Variants in PPP2R2C observed in about 807,000 individuals in gnomAD.
PPP2R2C encodes the protein protein phosphatase 2, regulatory subunit B, gamma.
In PPP2R2C, 10 loss-of-function variants were observed where a neutral mutation model predicts 45.3. That is an observed-to-expected ratio of 0.22 (90% confidence interval 0.14 to 0.37). The LOEUF is 0.37. PPP2R2C is among the 10% of genes least tolerant of loss of function. The pLI, the probability that PPP2R2C is intolerant of heterozygous loss-of-function variation, is 1.00. For missense variants in PPP2R2C, 308 were observed against 619.7 expected, an observed-to-expected ratio of 0.50 and a Z score of 5.34; for synonymous variants, 257 against 245.4, an observed-to-expected ratio of 1.05 and a Z score of -0.44.
At chr4:6,420,926 C>A (rs1399862407) in intron 1 of PPP2R2C, 2 of 984,808 alleles carry the variant, frequency 2.0e-6, no homozygotes, top group African/African-American at 3.5e-5. Context: ...GCTTACCAAG[C>A]CTCCTCCTAC....
At chr4:6,459,009 A>G (rs1469178656) in intron 1 of PPP2R2C, among the ~76,000 whole-genome samples, 1 of 152,220 alleles carries the variant, frequency 6.6e-6, no homozygotes, top group East Asian at 1.9e-4. Context: ...AAGGAGGAGG[A>G]CCAGGAATTC....
chr4:6,562,646 A>G (rs942058620), intron 1 of PPP2R2C, among the ~76,000 whole-genome samples: 6 of 151,780 alleles, frequency 4.0e-5, no homozygotes, highest in Non-Finnish European at 7.4e-5. Context: ...CCTCACCAGT[A>G]CCCCCCATAG....
At chr4:6,326,976 G>T (rs889564052) in intron 8 of PPP2R2C, among the ~76,000 whole-genome samples, 1 of 152,214 alleles carries the variant, frequency 6.6e-6, no homozygotes, top group African/African-American at 2.4e-5. Context: ...AACCTGGGGG[G>T]AATCCTTGCT....
chr4:6,485,754 T>G (rs1722508886), intron 2 of PPP2R2C, among the ~76,000 whole-genome samples: 1 of 151,978 alleles, frequency 6.6e-6, no homozygotes, highest in Non-Finnish European at 1.5e-5. Context: ...TTATCTTCTC[T>G]CTTATTGTCC....
At chr4:6,416,261 C>A (rs969483102) in intron 1 of PPP2R2C, among the ~76,000 whole-genome samples, 10 of 128,912 alleles carry the variant, frequency 7.8e-5, no homozygotes, top group Non-Finnish European at 1.7e-4. Flanking sequence ...CAACCGCCCC[C>A]ACGATGTGTG....
At chr4:6,501,294 C>A (rs566993615) in intron 2 of PPP2R2C, among the ~76,000 whole-genome samples, 1 of 152,204 alleles carries the variant, frequency 6.6e-6, no homozygotes, top group South Asian at 2.1e-4. Context: ...GATAGTGGGA[C>A]CTGATGGGCT....
At chr4:6,385,038 CGAG>C (rs1030923274) in intron 1 of PPP2R2C, among the ~76,000 whole-genome samples, 9 of 152,116 alleles carry the variant, frequency 5.9e-5, no homozygotes, top group African/African-American at 2.2e-4. Context: ...GAAGAGAAGA[CGAG>C]GACTCCAGGA....
chr4:6,450,674 G>T (rs943902264), intron 1 of PPP2R2C, among the ~76,000 whole-genome samples: 22 of 152,194 alleles, frequency 1.4e-4, no homozygotes, highest in African/African-American at 5.1e-4. Context: ...AGGCCTGAGC[G>T]AGGGATAGAT....
At chr4:6,397,468 C>T (rs1043065000) in intron 1 of PPP2R2C, among the ~76,000 whole-genome samples, 5 of 152,298 alleles carry the variant, frequency 3.3e-5, no homozygotes, top group Non-Finnish European at 4.4e-5. Flanking sequence ...CAGAGGCGGC[C>T]CTGGGGGTCC....
intron 1 of PPP2R2C, among the ~76,000 whole-genome samples, chr4:6,453,400 C>G (rs1720844202): frequency 6.6e-6 from 1 of 152,138 alleles, no homozygotes; most frequent in South Asian, 2.1e-4. Context: ...AACCCCCAGC[C>G]CCAGCCACCC....
chr4:6,396,783 G>C (rs1185361768), intron 1 of PPP2R2C, among the ~76,000 whole-genome samples: 3 of 152,254 alleles, frequency 2.0e-5, no homozygotes, highest in African/African-American at 4.8e-5. Context: ...GGGCTGGGAG[G>C]GGGTAGAGAG....
chr4:6,543,317 C>T (rs889646274), intron 1 of PPP2R2C, among the ~76,000 whole-genome samples: 2 of 152,138 alleles, frequency 1.3e-5, no homozygotes, highest in Non-Finnish European at 2.9e-5. Context: ...ACGTCCTAAT[C>T]GACACCCCAC....
intron 1 of PPP2R2C, among the ~76,000 whole-genome samples, chr4:6,394,860 TCAG>T (rs1266831072): frequency 6.6e-6 from 1 of 152,184 alleles, no homozygotes; most frequent in African/African-American, 2.4e-5. Context: ...TCCCATCACA[TCAG>T]CGTGTCCATC....
At position 6,496,568 on chromosome 4, in the gene PPP2R2C, A is replaced by T. The variant is rs186836305; in HGVS notation, c.49+38703T>A. ...TTCCCTAGGCACCTTCTGTGCGTTA[A>T]AGTCTGTGATAGGCTGGACACAGTG... On this transcript the variant is annotated intron_variant, in intron 2 of 9. Transcript: ENST00000506140. Among the ~76,000 whole-genome samples, 24 of 152,274 alleles carry T rather than the reference A, an allele frequency of 1.6e-4. No homozygotes were observed. The East Asian group carries it at 4.6e-3, about 29-fold the overall frequency.
intron 2 of PPP2R2C, among the ~76,000 whole-genome samples, chr4:6,503,929 G>A (rs1723137992): frequency 6.6e-6 from 1 of 152,172 alleles, no homozygotes; most frequent in African/African-American, 2.4e-5. Context: ...AACCACCTAA[G>A]GCACCTAAGG....
intron 2 of PPP2R2C, among the ~76,000 whole-genome samples, chr4:6,508,604 A>AAAAAGC (rs1384936327): frequency 7.9e-5 from 12 of 151,444 alleles, no homozygotes; most frequent in African/African-American, 2.7e-4. Flanking sequence ...AAAGAAAAAG[A>AAAAAGC]AAAAGAAAAA....
intron 2 of PPP2R2C, among the ~76,000 whole-genome samples, chr4:6,502,416 G>A (rs1288783597): frequency 2.6e-5 from 4 of 152,124 alleles, no homozygotes; most frequent in African/African-American, 9.7e-5. Context: ...GAAGGATGGT[G>A]ACTGTGGTGT....
intron 2 of PPP2R2C, among the ~76,000 whole-genome samples, chr4:6,494,802 C>T (rs917415602): frequency 2.0e-5 from 3 of 152,174 alleles, no homozygotes; most frequent in Non-Finnish European, 2.9e-5. Flanking sequence ...CTGGGGCCAA[C>T]GCTCATGCAA....
chr4:6,332,353 A>C lies in PPP2R2C; in HGVS notation c.960+1209T>G, dbSNP rs938823644. Among the ~76,000 whole-genome samples, 30 of 152,090 alleles carry C rather than the reference A, an allele frequency of 2.0e-4. No individual in the cohort carries two copies. Among genetic ancestry groups the C allele is most frequent in the African/African-American group, 7.0e-4 (29 of 41,416 alleles). On this transcript the variant is annotated intron_variant, in intron 7 of 8. Transcript: ENST00000382599. This position sits in a 1 kb window ranked among gnomAD's most constrained non-coding sequence, Gnocchi z 4.9. ...GGGCTGAGTCCTGCCTGGGGTGTGC[A>C]GTGTGAGGAGGGGGCCTGAGGGAGG...
Sources: allele counts gnomAD v4.1 joint callset (sites outside exome capture counted in the v4.1 genomes callset), GRCh38; gene constraint gnomAD v4.1.1; non-coding constraint Gnocchi (gnomAD v3.1); transcripts MANE v1.5; gene names NCBI Gene and HGNC (gene_info 2026-07-23, HGNC 2026-07-21).